Variants in NBAS observed in about 807,000 individuals in gnomAD.
NBAS encodes the protein NBAS subunit of NRZ tethering complex, also known as NAG/BC035112 fusion.
In NBAS, 219 loss-of-function variants were observed where a neutral mutation model predicts 302.5. That is an observed-to-expected ratio of 0.72 (90% CI 0.65 to 0.81). NBAS has a LOEUF of 0.81. NBAS is among the 30% of genes least tolerant of loss of function. The pLI is 0.00. For missense variants in NBAS, 2,932 were observed against 2,841.6 expected, an observed-to-expected ratio of 1.03 and a Z score of -0.72; for synonymous variants, 1,118 against 1,021.6, an observed-to-expected ratio of 1.09 and a Z score of -1.80.
chr2:15,121,998 C>G, the NBAS span, among the ~76,000 whole-genome samples: 81 of 152,274 alleles, frequency 5.3e-4, no homozygotes, highest in African/African-American at 1.9e-3. Context: ...CATGCCATTA[C>G]AGTGGTTAAG....
chr2:15,559,790 C>T (rs902882950), intron 1 of NBAS, among the ~76,000 whole-genome samples: 4 of 152,106 alleles, frequency 2.6e-5, no homozygotes, highest in African/African-American at 9.7e-5. Flanking sequence ...TCTGTGGTTA[C>T]TTTTTTGGAA....
chr2:14,846,329 A>C, the NBAS span, among the ~76,000 whole-genome samples: 1 of 152,128 alleles, frequency 6.6e-6, no homozygotes, highest in Admixed American at 6.6e-5. Context: ...ATATCCAGTG[A>C]AAATATCCTT....
intron 9 of NBAS, among the ~76,000 whole-genome samples, chr2:15,513,794 G>A (rs1407405036): frequency 6.6e-5 from 10 of 151,338 alleles, no homozygotes; most frequent in African/African-American, 2.4e-4. Flanking sequence ...TTCAAGATCA[G>A]CCTGGGCAAC....
At chr2:14,858,788 T>A in the NBAS span, among the ~76,000 whole-genome samples, 1 of 152,046 alleles carries the variant, frequency 6.6e-6, no homozygotes, top group Non-Finnish European at 1.5e-5. Context: ...TCAAAAATTA[T>A]TTGATTGCAC....
intron 9 of NBAS, among the ~76,000 whole-genome samples, chr2:15,529,016 C>A (rs1298900246): frequency 6.6e-6 from 1 of 151,672 alleles, no homozygotes; most frequent in Non-Finnish European, 1.5e-5. Context: ...GTGCATTCCA[C>A]AAAGCTAGCC....
the NBAS span, among the ~76,000 whole-genome samples, chr2:15,074,008 T>C: frequency 6.6e-6 from 1 of 152,100 alleles, no homozygotes; most frequent in Non-Finnish European, 1.5e-5. Context: ...CTAGGAAAAT[T>C]GGAAAAAATC....
chr2:15,234,806 G>A (rs1667523281), intron 45 of NBAS, 59 bp from the exon 46 acceptor site: 2 of 1,533,550 alleles, frequency 1.3e-6, no homozygotes, highest in Non-Finnish European at 1.8e-6. Flanking sequence ...GTATCTACAT[G>A]CACAAAGTGA....
chr2:15,162,228 G>A (rs760109394), downstream of NBAS, among the ~76,000 whole-genome samples: 4 of 152,166 alleles, frequency 2.6e-5, no homozygotes, highest in East Asian at 1.9e-4. Context: ...AAGACAACAC[G>A]CATCCCATCT....
intron 46 of NBAS, among the ~76,000 whole-genome samples, chr2:15,233,998 A>G (rs1350691961): frequency 2.0e-5 from 3 of 152,214 alleles, no homozygotes; most frequent in South Asian, 4.1e-4. Context: ...TCTTGGATGC[A>G]TTCCTACAAA....
the NBAS span, among the ~76,000 whole-genome samples, chr2:14,948,420 C>A: frequency 6.6e-6 from 1 of 151,936 alleles, no homozygotes; most frequent in Non-Finnish European, 1.5e-5. Context: ...ACAAAATCAA[C>A]ATACAAAAAT....
chr2:15,050,729 C>A, the NBAS span, among the ~76,000 whole-genome samples: 1 of 152,206 alleles, frequency 6.6e-6, no homozygotes, highest in Non-Finnish European at 1.5e-5. Flanking sequence ...TGACAGGCCC[C>A]AGCCCTGGGT....
chr2:15,518,122 T>A, intron 9 of NBAS, among the ~76,000 whole-genome samples: 1 of 103,588 alleles, frequency 9.7e-6, no homozygotes, highest in Admixed American at 1.0e-4. Context: ...GTTAATGAAG[T>A]CTAGGGGAAA....
the NBAS span, among the ~76,000 whole-genome samples, chr2:14,966,588 C>G: frequency 3.4e-4 from 52 of 152,094 alleles, no homozygotes; most frequent in Non-Finnish European, 5.9e-5. Context: ...GTAAGTGAAC[C>G]CACACACTTC....
intron 12 of NBAS, among the ~76,000 whole-genome samples, chr2:15,487,468 G>T (rs1680680281): frequency 6.6e-6 from 1 of 152,144 alleles, no homozygotes; most frequent in South Asian, 2.1e-4. Flanking sequence ...CCTATCCACA[G>T]ATGTGACATT....
chr2:15,325,868 C>T (rs530408282), intron 38 of NBAS, among the ~76,000 whole-genome samples: 4 of 152,198 alleles, frequency 2.6e-5, no homozygotes, highest in Admixed American at 6.5e-5. Flanking sequence ...TTAATCATTT[C>T]TAGCTTTTCC....
chr2:15,144,242 G>C, the NBAS span, among the ~76,000 whole-genome samples: 5 of 151,714 alleles, frequency 3.3e-5, no homozygotes, highest in Non-Finnish European at 7.4e-5. Flanking sequence ...CTGTGTCCCA[G>C]CTCCTACAGC....
chr2:15,231,130 T>C (rs16862435), intron 47 of NBAS, among the ~76,000 whole-genome samples: 34,071 of 152,096 alleles, frequency 0.22, 4,376 homozygotes, highest in East Asian at 0.45. Context: ...TCCATATGAC[T>C]CCTTTGTGAC....
the NBAS span, among the ~76,000 whole-genome samples, chr2:14,870,321 C>T: frequency 6.6e-6 from 1 of 152,248 alleles, no homozygotes; most frequent in African/African-American, 2.4e-5. Context: ...GCAAAGGGAA[C>T]CCTCAAGTCT....
chr2:14,792,867 T>C, the NBAS span, among the ~76,000 whole-genome samples: 5 of 152,292 alleles, frequency 3.3e-5, no homozygotes, highest in African/African-American at 1.2e-4. Flanking sequence ...AGTTTTAAAG[T>C]AGTGCTATGG....
Sources: allele counts gnomAD v4.1 joint callset (sites outside exome capture counted in the v4.1 genomes callset), GRCh38; gene constraint gnomAD v4.1.1; transcripts MANE v1.5; gene names NCBI Gene and HGNC (gene_info 2026-07-23, HGNC 2026-07-21).